Variants in ATF7IP observed in about 807,000 individuals in gnomAD.
The protein encoded by ATF7IP is activating transcription factor 7 interacting protein.
A neutral mutation model predicts 106.4 loss-of-function variants in ATF7IP; 23 were observed. The ratio of observed to expected loss-of-function variants is 0.22; its 90% CI spans 0.16 to 0.31. ATF7IP has a LOEUF of 0.31. Among genes scored for constraint, ATF7IP ranks in the 10% least tolerant of loss-of-function variants. The pLI, the probability that ATF7IP is intolerant of heterozygous loss-of-function variation, is 1.00. For synonymous variants in ATF7IP, 542 were observed against 539.0 expected, an observed-to-expected ratio of 1.01 and a Z score of -0.08; for missense variants, 1,334 against 1,524.3, an observed-to-expected ratio of 0.88 and a Z score of 2.08.
At chr12:14,431,513 G>A (rs956010454) in intron 2 of ATF7IP, among the ~76,000 whole-genome samples, 5 of 151,610 alleles carry the variant, frequency 3.3e-5, no homozygotes, top group Non-Finnish European at 1.5e-5. Context: ...TCCTGTCTCA[G>A]CCTCCCGAGT....
At chr12:14,390,678 T>C (rs1205092321) in intron 1 of ATF7IP, among the ~76,000 whole-genome samples, 2 of 152,272 alleles carry the variant, frequency 1.3e-5, no homozygotes, top group Non-Finnish European at 2.9e-5. Flanking sequence ...AATTTCCTAA[T>C]AGAATGTTTT....
chr12:14,392,221 G>C (rs1466530860), intron 1 of ATF7IP, among the ~76,000 whole-genome samples: 1 of 147,062 alleles, frequency 6.8e-6, no homozygotes, highest in African/African-American at 2.7e-5. Context: ...CTTTAGCACA[G>C]ATCTTTTTTT....
At chr12:14,389,650 G>A (rs1037166570) in intron 1 of ATF7IP, among the ~76,000 whole-genome samples, 1 of 151,858 alleles carries the variant, frequency 6.6e-6, no homozygotes, top group African/African-American at 2.4e-5. Context: ...TTTTTGAGAC[G>A]GAGTTTCGCT....
intron 13 of ATF7IP, among the ~76,000 whole-genome samples, chr12:14,489,350 C>T (rs1464685512): frequency 6.6e-6 from 1 of 152,156 alleles, no homozygotes; most frequent in African/African-American, 2.4e-5. Flanking sequence ...AGGAGGATCC[C>T]AAAGTATCCA....
rs186425028 is a variant in ATF7IP, at chr12:14,444,903, A to G, written c.1930-2085A>G. Among the ~76,000 whole-genome samples the G allele has an allele frequency of 2.0e-5, 3 of 152,162 alleles. No individual in the cohort carries two copies. The East Asian group carries it at 5.8e-4, about 29-fold the overall frequency. On this transcript the variant is annotated intron_variant, in intron 5 of 14. Transcript: ENST00000261168. The stretch of plus-strand genomic sequence containing the variant: ...GTATAGATCTTTTTCTATACATGTG[A>G]CATATACAAGATGATTTTGGGGGGG...
At chr12:14,445,832 G>T (rs1367650457) in intron 5 of ATF7IP, among the ~76,000 whole-genome samples, 2 of 152,110 alleles carry the variant, frequency 1.3e-5, no homozygotes, top group African/African-American at 2.4e-5. Context: ...CTTAGGTAGG[G>T]CCTCATGAAT....
At chr12:14,423,248 G>T (rs551670868) in intron 1 of ATF7IP, among the ~76,000 whole-genome samples, 1 of 151,888 alleles carries the variant, frequency 6.6e-6, no homozygotes, top group South Asian at 2.1e-4. Flanking sequence ...AATTATAGCA[G>T]TTCTTAGATA....
At chr12:14,495,940 G>T (rs1944998091) in intron 13 of ATF7IP, among the ~76,000 whole-genome samples, 1 of 152,086 alleles carries the variant, frequency 6.6e-6, no homozygotes, top group Admixed American at 6.5e-5. Flanking sequence ...TGTGTCTCGT[G>T]TTTTTCTCTT....
rs781020239 is a variant in ATF7IP, at chr12:14,496,306, A to G, written c.3356A>G (p.Gln1119Arg). The G allele has an allele frequency of 1.4e-5, 22 of 1,613,846 alleles. No homozygotes were observed. The highest frequency in any genetic ancestry group is 1.9e-5 in the Non-Finnish European group (22 of 1,179,910). ...CTAACCCTGGGATCAACAGGACCTC[A>G]GCTCACAGTGCATCACCGACCACCA... ...NGLTLGSTGP[Q>R]LTVHHRPPQV... The change falls in exon 14 of 15, where the codon CAG (glutamine) becomes CGG (arginine). Residue 1119 changes from glutamine (Q) to arginine (R), a missense_variant. By Grantham distance (43) the Gln-to-Arg change is conservative (BLOSUM62 1). Transcript: ENST00000261168.
At chr12:14,441,042 G>C (rs554167298) in intron 5 of ATF7IP, among the ~76,000 whole-genome samples, 2 of 152,166 alleles carry the variant, frequency 1.3e-5, no homozygotes, top group Admixed American at 6.5e-5. Flanking sequence ...CTTTGAACTT[G>C]TATACAAGTG....
chr12:14,366,055 C>T (rs749924288), intron 1 of ATF7IP, among the ~76,000 whole-genome samples: 1 of 152,186 alleles, frequency 6.6e-6, no homozygotes, highest in Non-Finnish European at 1.5e-5. Context: ...TATTCATTTT[C>T]AAGATCTAAT....
intron 11 of ATF7IP, among the ~76,000 whole-genome samples, chr12:14,476,831 TGAG>T (rs2136793920): frequency 6.6e-6 from 1 of 152,344 alleles, no homozygotes; most frequent in African/African-American, 2.4e-5. Flanking sequence ...AATAATGTTC[TGAG>T]TTATAATATT....
intron 9 of ATF7IP, among the ~76,000 whole-genome samples, chr12:14,462,992 CTTA>C (rs1197423847): frequency 1.3e-5 from 2 of 151,798 alleles, no homozygotes; most frequent in Admixed American, 6.6e-5. Flanking sequence ...TATGAATTTG[CTTA>C]TTCTTCATTT....
intron 2 of ATF7IP, among the ~76,000 whole-genome samples, chr12:14,433,538 C>T (rs187557141): frequency 0.015 from 2,250 of 151,748 alleles, 29 homozygotes; most frequent in Non-Finnish European, 0.022. Flanking sequence ...GATGTAGTGG[C>T]GGGTGCCTGT....
At chr12:14,399,699 G>C (rs555599742) in intron 1 of ATF7IP, among the ~76,000 whole-genome samples, 16 of 151,362 alleles carry the variant, frequency 1.1e-4, no homozygotes, top group African/African-American at 3.9e-4. Flanking sequence ...TTGTTCTTGT[G>C]AGTGTAATAT....
chr12:14,425,180 A>C lies in ATF7IP; in HGVS notation c.1265A>C (p.Asn422Thr). The change falls in exon 2 of 15, where the codon AAT (asparagine) becomes ACT (threonine). Residue 422 changes from asparagine to threonine, a missense_variant. Physicochemically the swap from Asn to Thr is moderately conservative, Grantham distance 65 (BLOSUM62 0). Around this residue, in one of 10 missense-constraint regions of ATF7IP, gnomAD observed 438 missense variants for 405.3 expected, o/e 1.08. Transcript: ENST00000261168. ...GTTATTGAAGATAACAAAAGTGAGA[A>C]TATCTTAGAAAATACAGACTCTATG... ...ENVIEDNKSE[N>T]ILENTDSMET... 4 of 1,596,070 alleles carry C rather than the reference A, an allele frequency of 2.5e-6. No individual in the cohort carries two copies. The highest frequency in any genetic ancestry group is 2.6e-6 in the Non-Finnish European group (3 of 1,174,892).
intron 11 of ATF7IP, 63 bp downstream of exon 11, chr12:14,476,031 A>G (rs747064691): frequency 2.0e-5 from 22 of 1,121,410 alleles, no homozygotes; most frequent in East Asian, 1.2e-4. Context: ...TTAATACGGT[A>G]CAGTATTCTA....
chr12:14,483,642 G>A (rs1944498089), intron 13 of ATF7IP, among the ~76,000 whole-genome samples: 1 of 152,078 alleles, frequency 6.6e-6, no homozygotes, highest in South Asian at 2.1e-4. Flanking sequence ...TCCACCCCCT[G>A]ATTCCTGGAC....
At chr12:14,374,110 T>A (rs887609218) in intron 1 of ATF7IP, among the ~76,000 whole-genome samples, 12 of 150,926 alleles carry the variant, frequency 8.0e-5, no homozygotes, top group Admixed American at 6.0e-4. Flanking sequence ...TTTTTTTTTT[T>A]AATTGAGACT....
Sources: allele counts gnomAD v4.1 joint callset (sites outside exome capture counted in the v4.1 genomes callset), GRCh38; gene constraint gnomAD v4.1.1; regional missense constraint gnomAD v4.1.1; transcripts MANE v1.5; gene names NCBI Gene and HGNC (gene_info 2026-07-23, HGNC 2026-07-21).